Variants in RBFOX1 observed in about 807,000 individuals in gnomAD.
The protein encoded by RBFOX1 is RNA binding protein fox-1 homolog 1.
Under a neutral mutation model 57.7 loss-of-function variants are expected in RBFOX1, and 8 were observed. That is an observed-to-expected ratio of 0.14 (90% CI 0.08 to 0.25). RBFOX1 has a LOEUF of 0.25. Ranked by LOEUF, RBFOX1 falls within the 10% of genes least tolerant of loss-of-function variation. The pLI is 1.00. For synonymous variants in RBFOX1, 326 were observed against 222.4 expected (o/e 1.47, Z -4.15); for missense variants, 611 against 548.5 (o/e 1.11, Z -1.14).
At chr16:6,894,165 TTGTC>T (rs1297031764) in intron 3 of RBFOX1, among the ~76,000 whole-genome samples, 57 of 152,364 alleles carry the variant, frequency 3.7e-4, no homozygotes, top group Admixed American at 7.8e-4. Flanking sequence ...TACCTATCTC[TTGTC>T]TGTCTGTCTG....
chr16:6,810,090 A>C (rs903272481), intron 3 of RBFOX1, among the ~76,000 whole-genome samples: 2 of 151,594 alleles, frequency 1.3e-5, no homozygotes, highest in Non-Finnish European at 2.9e-5. Context: ...TCAGGAAGGA[A>C]ACTGGTATCT....
intron 11 of RBFOX1, among the ~76,000 whole-genome samples, chr16:7,638,242 C>T (rs1453001160): frequency 6.6e-6 from 1 of 152,102 alleles, no homozygotes; most frequent in Non-Finnish European, 1.5e-5. Context: ...GTGCTAAGCC[C>T]TTCTCATTAG....
intron 1 of RBFOX1, among the ~76,000 whole-genome samples, chr16:5,376,085 T>G (rs1192214690): frequency 6.6e-6 from 1 of 151,906 alleles, no homozygotes; most frequent in Non-Finnish European, 1.5e-5. Flanking sequence ...GGAGAATTGC[T>G]TGAACCTGGG....
intron 1 of RBFOX1, among the ~76,000 whole-genome samples, chr16:6,253,697 G>GTATATATA (rs1474094444): frequency 2.3e-5 from 2 of 88,522 alleles, no homozygotes; most frequent in African/African-American, 5.8e-5. Flanking sequence ...GTGTGTGTGT[G>GTATATATA]TGTATATATA....
At chr16:5,289,359 G>T in intron 1 of RBFOX1, 2 of 398,022 alleles carry the variant, frequency 5.0e-6, no homozygotes, top group Admixed American at 2.8e-5. Context: ...GAGGAGGAGG[G>T]CCCATCATTG....
intron 3 of RBFOX1, among the ~76,000 whole-genome samples, chr16:6,702,716 G>T (rs1461196497): frequency 6.6e-6 from 1 of 152,072 alleles, no homozygotes; most frequent in African/African-American, 2.4e-5. Context: ...TCTCTCTCTG[G>T]TTTTTGTTTT....
chr16:6,859,358 C>A (rs959708335), intron 3 of RBFOX1, among the ~76,000 whole-genome samples: 10 of 151,470 alleles, frequency 6.6e-5, no homozygotes, highest in African/African-American at 2.2e-4. Flanking sequence ...ATGCAAAATT[C>A]TCTGTTCTCC....
chr16:6,372,469 G>A (rs539542125), intron 2 of RBFOX1, among the ~76,000 whole-genome samples: 102 of 151,930 alleles, frequency 6.7e-4, no homozygotes, highest in African/African-American at 2.4e-3. Flanking sequence ...TTGGGTAGGA[G>A]TATTGTTGGA....
intron 2 of RBFOX1, among the ~76,000 whole-genome samples, chr16:6,404,299 T>A (rs1190598802): frequency 6.6e-6 from 1 of 152,184 alleles, no homozygotes; most frequent in East Asian, 1.9e-4. Flanking sequence ...GAAAGTTGTA[T>A]GCAAATTCCA....
At chr16:5,681,555 A>T (rs900021839) in intron 3 of RBFOX1, among the ~76,000 whole-genome samples, 4 of 146,912 alleles carry the variant, frequency 2.7e-5, no homozygotes, top group Non-Finnish European at 4.5e-5. Context: ...TGCCCAGCTA[A>T]TTTTTTTTTG....
intron 2 of RBFOX1, among the ~76,000 whole-genome samples, chr16:6,498,157 C>A (rs1240424291): frequency 6.6e-6 from 1 of 150,988 alleles, no homozygotes; most frequent in South Asian, 2.1e-4. Context: ...AAGGCTGAGG[C>A]ACGAGAATCA....
chr16:5,556,723 G>C (rs1278363356), intron 2 of RBFOX1, among the ~76,000 whole-genome samples: 1 of 152,126 alleles, frequency 6.6e-6, no homozygotes, highest in African/African-American at 2.4e-5. Flanking sequence ...ATGTTCCTTG[G>C]GACATGAGAT....
intron 2 of RBFOX1, among the ~76,000 whole-genome samples, chr16:6,519,857 A>C (rs899660888): frequency 6.6e-6 from 1 of 152,184 alleles, no homozygotes; most frequent in Non-Finnish European, 1.5e-5. Context: ...AGCAAGATGA[A>C]AGGACTTAAC....
chr16:7,377,655 A>T (rs1441984885), intron 4 of RBFOX1, among the ~76,000 whole-genome samples: 1 of 152,198 alleles, frequency 6.6e-6, no homozygotes, highest in African/African-American at 2.4e-5. Flanking sequence ...TCATTCATTT[A>T]TTTGTGTATT....
intron 2 of RBFOX1, among the ~76,000 whole-genome samples, chr16:6,520,731 A>G (rs1179407329): frequency 1.3e-5 from 2 of 152,166 alleles, no homozygotes; most frequent in African/African-American, 4.8e-5. Flanking sequence ...TAGAACCTCT[A>G]AGTGGCTTCG....
intron 3 of RBFOX1, among the ~76,000 whole-genome samples, chr16:6,700,004 C>T (rs2061587873): frequency 6.6e-6 from 1 of 152,128 alleles, no homozygotes; most frequent in African/African-American, 2.4e-5. Context: ...TACATGTTTT[C>T]AGGGTATCTT....
intron 2 of RBFOX1, among the ~76,000 whole-genome samples, chr16:6,520,735 G>A (rs921749066): frequency 6.6e-6 from 1 of 152,132 alleles, no homozygotes; most frequent in African/African-American, 2.4e-5. Flanking sequence ...ACCTCTAAGT[G>A]GCTTCGTTTC....
intron 4 of RBFOX1, among the ~76,000 whole-genome samples, chr16:7,268,825 T>G (rs1458019697): frequency 6.6e-6 from 1 of 151,322 alleles, no homozygotes; most frequent in Non-Finnish European, 1.5e-5. Context: ...GATCACGAGG[T>G]CAGGAGTTCG....
intron 4 of RBFOX1, among the ~76,000 whole-genome samples, chr16:7,163,012 C>G (rs149356636): frequency 4.9e-4 from 74 of 152,302 alleles, no homozygotes; most frequent in African/African-American, 1.8e-3. Context: ...CATATAAATG[C>G]AGACTTCTTT....
Sources: gnomAD v4.1 joint callset for allele counts (sites outside exome capture counted in the v4.1 genomes callset) on GRCh38, gnomAD v4.1.1 for gene constraint, MANE v1.5 for transcripts, NCBI Gene and HGNC (gene_info 2026-07-23, HGNC 2026-07-21) for gene names.